SMIM13: variants seen among roughly 807,000 people sequenced by gnomAD.
SMIM13 encodes small integral membrane protein 13.
A neutral mutation model predicts 5.9 loss-of-function variants in SMIM13; 3 were observed. The observed-to-expected ratio is 0.51, with a 90% CI of 0.23 to 1.31. The LOEUF is 1.31. Ranked by LOEUF, SMIM13 falls within the 40% of genes most tolerant of loss-of-function variation. The pLI is 0.18. For missense variants in SMIM13, 85 were observed against 109.9 expected, an observed-to-expected ratio of 0.77 and a Z score of 1.01; for synonymous variants, 55 against 46.0, an observed-to-expected ratio of 1.19 and a Z score of -0.79.
Position 11,134,556 on chromosome 6 carries a change from G to A in SMIM13, c.230G>A (p.Arg77His), listed in dbSNP as rs1470538104. The A allele has an allele frequency of 4.5e-6, 7 of 1,549,350 alleles. No homozygotes were observed. Among genetic ancestry groups the A allele is most frequent in the South Asian group, 3.6e-5 (3 of 83,860 alleles). ...SSSPHRIRSA[R>H]QRRAPADEGH... is the part of the protein sequence containing the mutation. ...TCTCCACACAGAATCAGATCCGCTC[G>A]CCAAAGGAGGGCACCTGCTGATGAA... Residue 77 changes from arginine (R) to histidine (H), a missense_variant, in exon 2 of 2, where the codon CGC becomes CAC. Transcript: ENST00000416247.
chr6:11,133,737 TG>T (rs1244669943), intron 1 of SMIM13, among the ~76,000 whole-genome samples: 54 of 144,556 alleles, frequency 3.7e-4, no homozygotes, highest in Admixed American at 3.4e-3. Flanking sequence ...AAACAAAACT[TG>T]TTTTTTTTTT....
At chr6:11,123,316 C>T (rs6904851) in intron 1 of SMIM13, among the ~76,000 whole-genome samples, 2,262 of 152,326 alleles carry the variant, frequency 0.015, 50 homozygotes, top group African/African-American at 0.05. Context: ...GCTTGTCCCT[C>T]GTAAGGGCGC....
chr6:11,109,471 G>A (rs1758137930), intron 1 of SMIM13, among the ~76,000 whole-genome samples: 1 of 152,140 alleles, frequency 6.6e-6, no homozygotes, highest in Non-Finnish European at 1.5e-5. Flanking sequence ...TGGGGCTTGA[G>A]CTCTGGGTAA....
chr6:11,105,175 A>G (rs141726128), intron 1 of SMIM13: 11 of 1,614,088 alleles, frequency 6.8e-6, no homozygotes, highest in East Asian at 4.5e-5. Flanking sequence ...GAGCTAGTAC[A>G]TAACCAGCAA....
Position 11,094,340 on chromosome 6 carries a change from G to C in SMIM13, c.27G>C (p.Leu9=), listed in dbSNP as rs1405921670. ...TGTGGCACAGCGTCGGGCTGACTCTGCTTGTGTTCGTGGCCACGCTGCTGA... is the reference window on the plus strand; with the variant it reads ...TGTGGCACAGCGTCGGGCTGACTCTCCTTGTGTTCGTGGCCACGCTGCTGA... MWHSVGLT[L]LVFVATLLIV... is the part of the protein sequence containing the mutation. Residue 9 remains leucine (L), a synonymous_variant, in exon 1 of 2, where the codon CTG becomes CTC. Coordinates refer to ENST00000416247, the MANE Select transcript of SMIM13 (RefSeq NM_001135575.2). The C allele has an allele frequency of 3.3e-6, 5 of 1,535,122 alleles. No individual in the cohort carries two copies. The highest frequency in any genetic ancestry group is 4.9e-5 in the East Asian group (2 of 40,858).
intron 1 of SMIM13, among the ~76,000 whole-genome samples, chr6:11,107,073 T>C (rs1176225244): frequency 1.3e-5 from 2 of 152,246 alleles, no homozygotes; most frequent in Non-Finnish European, 2.9e-5. Context: ...TGTACCATAC[T>C]CTGCATATCT....
chr6:11,097,961 A>G lies in SMIM13; in HGVS notation c.76+3572A>G, dbSNP rs532247982. Among the ~76,000 whole-genome samples, 39 of 151,778 alleles carry G rather than the reference A, an allele frequency of 2.6e-4. No homozygotes were observed. The South Asian group carries it at 8.1e-3, about 32-fold the overall frequency. On this transcript the variant is annotated intron_variant, in intron 1 of 1. Transcript: ENST00000416247. ...TCCCTGCTCGCCGCCCCCCCACCCA[A>G]TTTCTGAGATTTCATGGACTCCTCT... is the stretch of plus-strand genomic sequence containing the variant.
intron 1 of SMIM13, among the ~76,000 whole-genome samples, chr6:11,115,392 T>A (rs1458937300): frequency 1.3e-5 from 2 of 152,152 alleles, no homozygotes; most frequent in African/African-American, 4.8e-5. Context: ...TTCAAGCTTA[T>A]GTGGTTGTTG....
intron 1 of SMIM13, 58 bp downstream of exon 1, chr6:11,094,447 GGT>G: frequency 7.9e-7 from 1 of 1,273,730 alleles, no homozygotes; most frequent in African/African-American, 1.5e-5. Flanking sequence ...GATCTGCTGG[GGT>G]TTTTTTTGTT....
intron 1 of SMIM13, among the ~76,000 whole-genome samples, chr6:11,129,323 A>G (rs1410497610): frequency 2.6e-5 from 4 of 151,990 alleles, no homozygotes; most frequent in African/African-American, 9.7e-5. Flanking sequence ...TAACATAATA[A>G]CCTCCAGCTC....
At chr6:11,130,266 A>AAAC (rs1554119984) in intron 1 of SMIM13, among the ~76,000 whole-genome samples, 2 of 145,412 alleles carry the variant, frequency 1.4e-5, no homozygotes, top group Non-Finnish European at 3.0e-5. Flanking sequence ...AAAAAAAAAA[A>AAAC]AAACAACAAC....
At chr6:11,129,885 G>C (rs1386968710) in intron 1 of SMIM13, among the ~76,000 whole-genome samples, 1 of 152,096 alleles carries the variant, frequency 6.6e-6, no homozygotes, top group African/African-American at 2.4e-5. Flanking sequence ...TTCCTGGTAT[G>C]TATTCCTTGG....
intron 1 of SMIM13, chr6:11,105,001 G>T: frequency 6.2e-7 from 1 of 1,614,184 alleles, no homozygotes; most frequent in Non-Finnish European, 8.5e-7. Flanking sequence ...GGTTTCTGGC[G>T]GATATCAGGG....
chr6:11,124,987 C>A (rs1312121222), intron 1 of SMIM13, among the ~76,000 whole-genome samples: 1 of 152,142 alleles, frequency 6.6e-6, no homozygotes, highest in Non-Finnish European at 1.5e-5. Flanking sequence ...TTTAAATATG[C>A]CATGCCATGG....
chr6:11,126,256 G>C (rs1025948799), intron 1 of SMIM13, among the ~76,000 whole-genome samples: 2 of 152,134 alleles, frequency 1.3e-5, no homozygotes, highest in African/African-American at 4.8e-5. Flanking sequence ...CACTATGTTG[G>C]CCAGGCTGGT....
Position 11,094,502 on chromosome 6 carries a change from T to A in SMIM13, c.76+113T>A, listed in dbSNP as rs1368467952. ...AAACAAAAGGGCGTGGACGGACAAT[T>A]GTCTTAAAATCAACTGTTGTCCCTT... On this transcript the variant is annotated intron_variant, in intron 1 of 1. Transcript: ENST00000416247. The A allele has an allele frequency of 1.1e-4, 89 of 817,962 alleles. No individual in the cohort carries two copies. In the East Asian group the frequency reaches 2.7e-3, roughly 24 times the overall value. 50.7% of individuals were successfully genotyped at this position (817,962 alleles called of 1,614,324 possible).
At chr6:11,116,008 C>CTTTTT (rs35527082) in intron 1 of SMIM13, among the ~76,000 whole-genome samples, 2 of 78,490 alleles carry the variant, frequency 2.5e-5, no homozygotes, top group African/African-American at 5.2e-5. Flanking sequence ...CTTCCTTCCT[C>CTTTTT]TTTTTTTTTT....
Position 11,136,523 on chromosome 6 carries a change from AGTTTT to A in SMIM13, c.*1926_*1930del, listed in dbSNP as rs1758519474. The stretch of plus-strand genomic sequence containing the variant: ...TTGATACCTCATACTTCTTGCTTAG[AGTTTT>A]GTTTAACAGTTCACTGGCTCTGTCC... On this transcript the variant is annotated 3_prime_UTR_variant, in exon 2 of 2. Coordinates refer to ENST00000416247, the MANE Select transcript of SMIM13 (RefSeq NM_001135575.2). The A allele has an allele frequency of 6.6e-6, 1 of 152,112 alleles. No homozygotes were observed. The highest frequency in any genetic ancestry group is 1.5e-5 in the Non-Finnish European group (1 of 68,020). 9.4% of individuals were successfully genotyped at this position (152,112 alleles called of 1,614,324 possible).
chr6:11,120,738 C>T (rs1354793734), intron 1 of SMIM13, among the ~76,000 whole-genome samples: 1 of 152,156 alleles, frequency 6.6e-6, no homozygotes, highest in Non-Finnish European at 1.5e-5. Context: ...ATGTAGCTGG[C>T]TGTCTTCCAA....
Sources: gnomAD v4.1 joint callset for allele counts (sites outside exome capture counted in the v4.1 genomes callset) on GRCh38, gnomAD v4.1.1 for gene constraint, MANE v1.5 for transcripts, NCBI Gene and HGNC (gene_info 2026-07-23, HGNC 2026-07-21) for gene names.